Variants in TSHZ2 observed in about 807,000 individuals in gnomAD.
The protein encoded by TSHZ2 is teashirt homolog 2.
In TSHZ2, 21 loss-of-function variants were observed where a neutral mutation model predicts 74.4. That is an observed-to-expected ratio of 0.28 (90% CI 0.20 to 0.41). The LOEUF is 0.41. TSHZ2 is among the 10% of genes least tolerant of loss of function. The pLI, the probability that TSHZ2 is intolerant of heterozygous loss-of-function variation, is 1.00. For missense variants in TSHZ2, 1,244 were observed against 1,293.5 expected, an observed-to-expected ratio of 0.96 and a Z score of 0.59; for synonymous variants, 540 against 515.3, an observed-to-expected ratio of 1.05 and a Z score of -0.65.
At chr20:53,144,776 A>G (rs1987498728) in intron 1 of TSHZ2, among the ~76,000 whole-genome samples, 1 of 152,000 alleles carries the variant, frequency 6.6e-6, no homozygotes, top group Non-Finnish European at 1.5e-5. Context: ...ATATGGGTAA[A>G]CACACTGACT....
intron 1 of TSHZ2, among the ~76,000 whole-genome samples, chr20:53,226,685 G>A (rs928429139): frequency 3.3e-5 from 5 of 152,010 alleles, no homozygotes; most frequent in East Asian, 1.9e-4. Context: ...TCTAAGGCTC[G>A]GCCATATTAC....
chr20:53,019,659 C>T (rs1462628870), intron 1 of TSHZ2, among the ~76,000 whole-genome samples: 1 of 152,080 alleles, frequency 6.6e-6, no homozygotes, highest in Admixed American at 6.5e-5. Flanking sequence ...TATATTCCAC[C>T]ACTTTGGAAT....
intron 2 of TSHZ2, among the ~76,000 whole-genome samples, chr20:53,301,732 G>T (rs1279167366): frequency 6.6e-6 from 1 of 152,124 alleles, no homozygotes; most frequent in African/African-American, 2.4e-5. Context: ...ACTTTAACCC[G>T]CTCATCCCTA....
intron 1 of TSHZ2, among the ~76,000 whole-genome samples, chr20:53,096,168 G>A (rs977866846): frequency 2.0e-5 from 3 of 152,196 alleles, no homozygotes; most frequent in Non-Finnish European, 4.4e-5. Context: ...TAGAGACAGA[G>A]TCTCACTCTG....
intron 2 of TSHZ2, among the ~76,000 whole-genome samples, chr20:53,415,338 A>G (rs574790991): frequency 7.9e-5 from 12 of 152,178 alleles, no homozygotes; most frequent in Non-Finnish European, 1.8e-4. Context: ...CAATGATAAA[A>G]TGATCAGTAC....
chr20:53,196,138 T>C (rs1390751700), intron 1 of TSHZ2: 1 of 152,106 alleles, frequency 6.6e-6, no homozygotes, highest in Non-Finnish European at 1.5e-5. Context: ...TTATGCCACA[T>C]GGATTTCATT....
chr20:53,448,937 C>T (rs1388083426), intron 2 of TSHZ2, among the ~76,000 whole-genome samples: 3 of 152,090 alleles, frequency 2.0e-5, no homozygotes, highest in Non-Finnish European at 4.4e-5. Flanking sequence ...ATACAAAGAA[C>T]ATCTTGAGTA....
At chr20:53,393,691 C>CAA (rs1982343700) in intron 2 of TSHZ2, among the ~76,000 whole-genome samples, 1 of 150,956 alleles carries the variant, frequency 6.6e-6, no homozygotes, top group Admixed American at 6.6e-5. Context: ...CACACACACA[C>CAA]AAATTGTAAA....
At chr20:53,373,773 C>T (rs1401626784) in intron 2 of TSHZ2, among the ~76,000 whole-genome samples, 2 of 152,132 alleles carry the variant, frequency 1.3e-5, no homozygotes, top group Admixed American at 1.3e-4. Context: ...GTCAAAGGCA[C>T]CAGGTTCCTA....
At chr20:53,093,336 C>G (rs2123267444) in intron 1 of TSHZ2, among the ~76,000 whole-genome samples, 1 of 152,342 alleles carries the variant, frequency 6.6e-6, no homozygotes, top group Middle Eastern at 3.4e-3. Flanking sequence ...CCCCTCCAGT[C>G]TGTTGCCCAT....
In TSHZ2 at chr20:53,223,772, A is replaced by AG. The variant is rs775436296; in HGVS notation, c.41-29722dup. ...AAGGATTGTTACCTAAGGGAAAGAA[A>AG]GGGGGAGGTAGCTGTGGCCATAAAG... On this transcript the variant is annotated intron_variant, in intron 1 of 2. Transcript: ENST00000371497. Among the ~76,000 whole-genome samples, 432 of 152,126 alleles carry AG rather than the reference A, an allele frequency of 2.8e-3. 3 individuals are homozygous for AG. The highest frequency in any genetic ancestry group is 3.4e-3 in the Middle Eastern group (1 of 294).
In TSHZ2 at chr20:53,106,291, T is replaced by C. The variant is rs149921006; in HGVS notation, c.40+132958T>C. 1.2e-3 allele frequency among the ~76,000 whole-genome samples: 178 copies of C among 152,146 alleles called. 1 individual carries two copies. The highest frequency in any genetic ancestry group is 4.0e-3 in the African/African-American group (168 of 41,512). On this transcript the variant is annotated intron_variant, in intron 1 of 2. Transcript: ENST00000371497. ...CCTTTTTACTCGCTTTTACTTTTTT[T>C]AGATTTCACATATAAGTGAGGTCAT... is the stretch of plus-strand genomic sequence containing the variant.
chr20:53,099,698 CAAGTGA>C (rs1986160624), intron 1 of TSHZ2, among the ~76,000 whole-genome samples: 2 of 152,130 alleles, frequency 1.3e-5, no homozygotes, highest in South Asian at 4.1e-4. Context: ...GAATGAGAGC[CAAGTGA>C]AAGAGGAAAC....
At chr20:53,476,670 CAGG>C (rs1986002765) in intron 2 of TSHZ2, among the ~76,000 whole-genome samples, 2 of 142,510 alleles carry the variant, frequency 1.4e-5, no homozygotes, top group African/African-American at 5.3e-5. Context: ...GGCAATTAGG[CAGG>C]AGAAGGAAAT....
intron 2 of TSHZ2, among the ~76,000 whole-genome samples, chr20:53,304,866 G>A (rs1487509865): frequency 2.0e-5 from 3 of 152,116 alleles, no homozygotes; most frequent in South Asian, 2.1e-4. Context: ...TCCTGACCTC[G>A]TGATCTGCCT....
intron 1 of TSHZ2, 39 bp from the exon 2 acceptor site, chr20:53,253,460 C>T: frequency 6.5e-7 from 1 of 1,550,168 alleles, no homozygotes; most frequent in Non-Finnish European, 8.7e-7. Flanking sequence ...GAATATGGAG[C>T]CTGTTACTGT....
In TSHZ2 at chr20:53,336,621, C is replaced by T. The variant is rs75114649; in HGVS notation, c.*8+80050C>T. Among the ~76,000 whole-genome samples the T allele has an allele frequency of 9.8e-3, 1,498 of 152,256 alleles. 23 individuals are homozygous for T. The highest frequency in any genetic ancestry group is 0.034 in the African/African-American group (1,431 of 41,534). On this transcript the variant is annotated intron_variant, in intron 2 of 2. Coordinates refer to ENST00000371497, the MANE Select transcript of TSHZ2 (RefSeq NM_173485.6). ...ATGTTCTTTCCACCTCTTTCTGCTC[C>T]GTCAGCCTTAGCTTCCATGTCTTGT...
intron 1 of TSHZ2, among the ~76,000 whole-genome samples, chr20:53,121,283 A>G (rs2084310438): frequency 6.6e-6 from 1 of 152,180 alleles, no homozygotes; most frequent in Admixed American, 6.5e-5. Context: ...TACATGTCTC[A>G]TTACTAAATC....
At chr20:53,137,371 C>T (rs1413971982) in intron 1 of TSHZ2, among the ~76,000 whole-genome samples, 1 of 150,508 alleles carries the variant, frequency 6.6e-6, no homozygotes, top group Non-Finnish European at 1.5e-5. Flanking sequence ...TTGCTGGCTC[C>T]GTCACCAAGA....
Sources: allele counts gnomAD v4.1 joint callset (sites outside exome capture counted in the v4.1 genomes callset), GRCh38; gene constraint gnomAD v4.1.1; transcripts MANE v1.5; gene names NCBI Gene and HGNC (gene_info 2026-07-23, HGNC 2026-07-21).